Variants in COL24A1 observed in about 807,000 individuals in gnomAD.
COL24A1 encodes collagen type XXIV alpha 1 chain.
A neutral mutation model predicts 253.9 loss-of-function variants in COL24A1; 224 were observed. The ratio of observed to expected loss-of-function variants is 0.88; its 90% CI spans 0.79 to 0.99. COL24A1 has a LOEUF of 0.99. COL24A1 is among the 50% of genes least tolerant of loss of function. COL24A1 has a pLI of 0.00. For synonymous variants in COL24A1, 685 were observed against 673.7 expected, an observed-to-expected ratio of 1.02 and a Z score of -0.26; for missense variants, 2,131 against 2,068.5, an observed-to-expected ratio of 1.03 and a Z score of -0.59.
chr1:85,858,417 C>T (rs12130385), intron 37 of COL24A1, among the ~76,000 whole-genome samples: 1 of 151,964 alleles, frequency 6.6e-6, no homozygotes, highest in Non-Finnish European at 1.5e-5. Context: ...TTTTAAAACC[C>T]CTTCTGCCTT....
At chr1:85,864,371 A>T (rs1002540351) in intron 37 of COL24A1, among the ~76,000 whole-genome samples, 2 of 138,900 alleles carry the variant, frequency 1.4e-5, no homozygotes, top group African/African-American at 5.3e-5. Flanking sequence ...GGACACAGGA[A>T]GGGGAACATC....
At chr1:85,873,846 G>T (rs185128762) in intron 35 of COL24A1, among the ~76,000 whole-genome samples, 1 of 148,294 alleles carries the variant, frequency 6.7e-6, no homozygotes, top group East Asian at 2.0e-4. Flanking sequence ...AAAGACTAAG[G>T]CTCCGGTACA....
chr1:86,125,626 T>C lies in COL24A1; in HGVS notation c.710A>G (p.Tyr237Cys). The change falls in exon 3 of 60, where the codon TAT becomes TGT. Residue 237 changes from tyrosine to cysteine, a missense_variant. Coordinates refer to ENST00000370571, the MANE Select transcript of COL24A1 (RefSeq NM_152890.7). The part of the protein sequence containing the change: ...SAEASADYCR[Y>C]VKQQCRQADK... ...TGCTTGGCGACACTGCTGTTTCACA[T>C]ATCTGCAGTAGTCTGCAGATGCTTC... 2 of 1,613,132 alleles carry C rather than the reference T, an allele frequency of 1.2e-6. No individual in the cohort carries two copies. Among genetic ancestry groups the C allele is most frequent in the Non-Finnish European group, 1.7e-6 (2 of 1,179,428 alleles).
At chr1:85,875,838 G>C (rs1681099432) in intron 33 of COL24A1, among the ~76,000 whole-genome samples, 2 of 150,906 alleles carry the variant, frequency 1.3e-5, no homozygotes, top group Non-Finnish European at 2.9e-5. Flanking sequence ...TCTTTACTTT[G>C]AGAACATAGA....
At chr1:86,120,714 C>A (rs1360147403) in intron 3 of COL24A1, among the ~76,000 whole-genome samples, 1 of 152,134 alleles carries the variant, frequency 6.6e-6, no homozygotes, top group Non-Finnish European at 1.5e-5. Context: ...CTAGTTCAAC[C>A]ATTGTGGAAG....
At chr1:85,957,076 A>C (rs1228693542) in intron 24 of COL24A1, among the ~76,000 whole-genome samples, 1 of 152,168 alleles carries the variant, frequency 6.6e-6, no homozygotes, top group Admixed American at 6.5e-5. Context: ...CATTCTCAGC[A>C]AACTAACAGA....
At chr1:85,973,262 C>G (rs940716687) in intron 20 of COL24A1, among the ~76,000 whole-genome samples, 1 of 152,094 alleles carries the variant, frequency 6.6e-6, no homozygotes, top group South Asian at 2.1e-4. Context: ...GCTCAATTAA[C>G]AGCACAATAT....
In COL24A1 at chr1:86,042,294, TA is replaced by T. The variant is rs1421155499; in HGVS notation, c.1950+4530del. ...GTGAATTTGTTAATATAACTATTTT[TA>T]AATAATCTTTGGTTCTAAAATATAC... On this transcript the variant is annotated intron_variant, in intron 12 of 59. Transcript: ENST00000370571. 5.3e-5 allele frequency among the ~76,000 whole-genome samples: 8 copies of T among 152,268 alleles called. No individual in the cohort carries two copies. In the East Asian group the frequency reaches 1.3e-3, roughly 26 times the overall value.
chr1:86,013,917 C>T (rs187943590), intron 19 of COL24A1, among the ~76,000 whole-genome samples: 32 of 152,212 alleles, frequency 2.1e-4, no homozygotes, highest in Non-Finnish European at 3.2e-4. Context: ...TTTATTAGTC[C>T]GCAGTCACTC....
intron 19 of COL24A1, among the ~76,000 whole-genome samples, chr1:85,998,845 T>C (rs1695125669): frequency 6.6e-6 from 1 of 152,216 alleles, no homozygotes; most frequent in African/African-American, 2.4e-5. Flanking sequence ...AGCCCTCTTC[T>C]TGTCACCCTG....
intron 24 of COL24A1, among the ~76,000 whole-genome samples, chr1:85,923,542 A>T (rs1183977359): frequency 6.6e-6 from 1 of 152,268 alleles, no homozygotes; most frequent in Non-Finnish European, 1.5e-5. Context: ...AACTACATGG[A>T]AACTGAACAA....
intron 57 of COL24A1, among the ~76,000 whole-genome samples, chr1:85,740,660 G>A (rs755767317): frequency 1.5e-4 from 23 of 151,750 alleles, no homozygotes; most frequent in Non-Finnish European, 2.5e-4. Flanking sequence ...GTTTCACCAC[G>A]TTGGCCTGGC....
At chr1:85,965,266 T>G (rs1246385575) in intron 22 of COL24A1, among the ~76,000 whole-genome samples, 2 of 152,072 alleles carry the variant, frequency 1.3e-5, no homozygotes, top group Non-Finnish European at 2.9e-5. Context: ...CGGTTCTAGA[T>G]GCAGAGGATC....
chr1:85,962,936 ATCAGACT>A (rs1691210745), intron 23 of COL24A1, among the ~76,000 whole-genome samples: 1 of 152,188 alleles, frequency 6.6e-6, no homozygotes, highest in African/African-American at 2.4e-5. Context: ...TAAAAAATAC[ATCAGACT>A]TCAAAGACTT....
chr1:86,002,736 C>T (rs896298797), intron 19 of COL24A1, among the ~76,000 whole-genome samples: 1 of 152,170 alleles, frequency 6.6e-6, no homozygotes, highest in Admixed American at 6.5e-5. Flanking sequence ...TTCAAAGATT[C>T]ATAAGCTGGC....
chr1:85,960,174 ATAAT>A (rs1403255115), intron 24 of COL24A1, among the ~76,000 whole-genome samples: 1 of 137,820 alleles, frequency 7.3e-6, no homozygotes, highest in African/African-American at 2.6e-5. Context: ...ACCAAGATTT[ATAAT>A]TAATTATTTA....
rs750544730 is a variant in COL24A1, at chr1:85,838,626, C to A, written c.3640G>T (p.Asp1214Tyr). The A allele has an allele frequency of 1.9e-6, 3 of 1,613,598 alleles. No individual in the cohort carries two copies. The highest frequency in any genetic ancestry group is 2.5e-6 in the Non-Finnish European group (3 of 1,179,518). ...GPRGEPGPVG[D>Y]QGERGEPGAE... ...CCAGGCTCTCCTCTCTCTCCTTGGT[C>A]CCCCACTGGACCCTACAGAGACCAC... is the stretch of plus-strand genomic sequence containing the variant. Residue 1214 changes from aspartate to tyrosine, a missense_variant, in exon 43 of 60, where the codon GAC (aspartate) becomes TAC (tyrosine). Coordinates refer to ENST00000370571, the MANE Select transcript of COL24A1 (RefSeq NM_152890.7).
intron 45 of COL24A1, 113 bp downstream of exon 45, chr1:85,823,423 T>C: frequency 3.0e-6 from 3 of 988,450 alleles, no homozygotes; most frequent in Non-Finnish European, 4.7e-6. Context: ...GTGATCCATA[T>C]TCTACAGTGA....
chr1:85,953,898 C>A (rs1690176986), intron 24 of COL24A1, among the ~76,000 whole-genome samples: 1 of 152,098 alleles, frequency 6.6e-6, no homozygotes, highest in African/African-American at 2.4e-5. Context: ...AATTCTAAAA[C>A]AAGTAAGGTG....
Sources: gnomAD v4.1 joint callset for allele counts (sites outside exome capture counted in the v4.1 genomes callset) on GRCh38, gnomAD v4.1.1 for gene constraint, MANE v1.5 for transcripts, NCBI Gene and HGNC (gene_info 2026-07-23, HGNC 2026-07-21) for gene names.